The following TSNARE1 variants were observed in gnomAD, a reference collection of about 807,000 sequenced individuals.
TSNARE1 encodes the protein t-SNARE domain containing 1.
Under a neutral mutation model 62.0 loss-of-function variants are expected in TSNARE1, and 49 were observed. The observed-to-expected ratio is 0.79, with a 90% CI of 0.63 to 1.00. The LOEUF (loss-of-function observed/expected upper bound fraction) is 1.00, where lower values mean the gene tolerates loss of function less well. Ranked by LOEUF, TSNARE1 falls within the 50% of genes least tolerant of loss-of-function variation. The probability of loss-of-function intolerance (pLI) is 0.00; values close to 1 mark genes in which losing one functional copy is unlikely to be tolerated. For missense variants in TSNARE1, 755 were observed against 700.1 expected, an observed-to-expected ratio of 1.08 and a Z score of -0.88; for synonymous variants, 328 against 294.4, an observed-to-expected ratio of 1.11 and a Z score of -1.17.
At chr8:142,279,838 G>A (rs768215560) in intron 11 of TSNARE1, 6 of 1,020,520 alleles carry the variant, frequency 5.9e-6, no homozygotes, top group Non-Finnish European at 7.1e-6. Flanking sequence ...GGGGGGGCGG[G>A]CTGTGGGGAA....
At chr8:142,225,510 G>A (rs1023118978) in intron 13 of TSNARE1, among the ~76,000 whole-genome samples, 37 of 152,124 alleles carry the variant, frequency 2.4e-4, no homozygotes, top group African/African-American at 8.2e-4. Flanking sequence ...CCTGCTGGGA[G>A]GTCGGGCACT....
intron 7 of TSNARE1, among the ~76,000 whole-genome samples, chr8:142,315,631 C>T (rs1305586737): frequency 6.6e-6 from 1 of 151,848 alleles, no homozygotes; most frequent in Admixed American, 6.5e-5. Flanking sequence ...CGGGGTGGGG[C>T]TGGACACGCA....
In TSNARE1 at chr8:142,221,807, A is replaced by T. The variant is rs1385043782; in HGVS notation, c.*11+7666T>A. ...CACTCATCCACTCATTCACTCACTC[A>T]TCCACTCACTCATTCACTCACTCAC... On this transcript the variant is annotated intron_variant, in intron 13 of 13. Transcript: ENST00000524325. 9.2e-3 allele frequency among the ~76,000 whole-genome samples: 551 copies of T among 59,692 alleles called. 41 individuals carry two copies. The highest frequency in any genetic ancestry group is 0.013 in the Non-Finnish European group (330 of 25,462). The allele number at this position is 59,692 out of a possible 152,430, so 39.2% of individuals were successfully genotyped here.
intron 13 of TSNARE1, among the ~76,000 whole-genome samples, chr8:142,221,528 T>C (rs11786405): frequency 0.32 from 48,121 of 152,162 alleles, 8,521 homozygotes; most frequent in Non-Finnish European, 0.4. Context: ...GTTGCCTGGA[T>C]ACTGTAATTT....
At chr8:142,264,896 C>T (rs1054160306) in intron 12 of TSNARE1, among the ~76,000 whole-genome samples, 1 of 152,204 alleles carries the variant, frequency 6.6e-6, no homozygotes, top group African/African-American at 2.4e-5. Flanking sequence ...ATTTTGCTCA[C>T]TGGACAGTTC....
chr8:142,268,110 C>G (rs997640359), intron 12 of TSNARE1, among the ~76,000 whole-genome samples: 2 of 152,200 alleles, frequency 1.3e-5, no homozygotes, highest in Non-Finnish European at 1.5e-5. Flanking sequence ...ACACCCTTGC[C>G]CTCAGGGCCA....
chr8:142,324,101 C>T (rs1829867913), intron 6 of TSNARE1, among the ~76,000 whole-genome samples: 1 of 152,214 alleles, frequency 6.6e-6, no homozygotes, highest in East Asian at 1.9e-4. Flanking sequence ...GATACAGATG[C>T]AATGCCCGGA....
intron 1 of TSNARE1, among the ~76,000 whole-genome samples, chr8:142,370,080 T>C (rs1835818699): frequency 6.6e-6 from 1 of 152,202 alleles, no homozygotes; most frequent in Non-Finnish European, 1.5e-5. Flanking sequence ...CCCTTCACCC[T>C]TCTGCCACGT....
chr8:142,395,325 C>T (rs1837820616), intron 1 of TSNARE1, among the ~76,000 whole-genome samples: 1 of 152,184 alleles, frequency 6.6e-6, no homozygotes, highest in Non-Finnish European at 1.5e-5. Flanking sequence ...CGGGAGGCAC[C>T]AGGCCCTCAG....
chr8:142,300,745 C>A (rs1186554407), intron 9 of TSNARE1, 101 bp from the exon 10 acceptor site: 11 of 1,223,212 alleles, frequency 9.0e-6, no homozygotes, highest in Non-Finnish European at 1.1e-5. Context: ...CTTCACTATC[C>A]CCATCTGCTC....
At chr8:142,313,414 C>G (rs1827958553) in intron 9 of TSNARE1, among the ~76,000 whole-genome samples, 1 of 147,636 alleles carries the variant, frequency 6.8e-6, no homozygotes, top group Non-Finnish European at 1.5e-5. Context: ...GTTTATGTGT[C>G]TGTGTGTTTA....
At chr8:142,256,262 TC>T (rs1818543893) in intron 12 of TSNARE1, among the ~76,000 whole-genome samples, 1 of 58,704 alleles carries the variant, frequency 1.7e-5, no homozygotes, top group Non-Finnish European at 3.6e-5. Context: ...ATCATCACCA[TC>T]ACCATCACCA....
chr8:142,361,158 G>A (rs1441722850), intron 1 of TSNARE1, among the ~76,000 whole-genome samples: 3 of 152,238 alleles, frequency 2.0e-5, no homozygotes, highest in Non-Finnish European at 2.9e-5. Flanking sequence ...CCTCACCTTC[G>A]GGCACGCGTT....
At chr8:142,363,608 A>AGCTGCCCAGCCCTCACAGGTG (rs1835318941) in intron 1 of TSNARE1, among the ~76,000 whole-genome samples, 1 of 152,088 alleles carries the variant, frequency 6.6e-6, no homozygotes, top group Non-Finnish European at 1.5e-5. Context: ...GGGAATCCTG[A>AGCTGCCCAGCCCTCACAGGTG]GCTGCCCAGC....
chr8:142,288,720 C>A (rs1415356450), intron 10 of TSNARE1, among the ~76,000 whole-genome samples: 1 of 152,256 alleles, frequency 6.6e-6, no homozygotes, highest in African/African-American at 2.4e-5. Flanking sequence ...GCTGCCGGGG[C>A]TCCCGCCCAC....
At chr8:142,321,898 T>C (rs932950290) in intron 6 of TSNARE1, among the ~76,000 whole-genome samples, 4 of 152,112 alleles carry the variant, frequency 2.6e-5, no homozygotes, top group African/African-American at 7.2e-5. Context: ...GAGACACACA[T>C]TGTATGAGGC....
At chr8:142,365,593 C>G (rs1432047272) in intron 1 of TSNARE1, among the ~76,000 whole-genome samples, 1 of 135,498 alleles carries the variant, frequency 7.4e-6, no homozygotes, top group Non-Finnish European at 1.5e-5. Context: ...TCCATAAACA[C>G]ATGCACACGC....
intron 1 of TSNARE1, among the ~76,000 whole-genome samples, chr8:142,387,220 AG>A (rs1238097665): frequency 2.0e-5 from 3 of 152,224 alleles, no homozygotes; most frequent in Non-Finnish European, 2.9e-5. Context: ...CGAACCAAAA[AG>A]AAAATACAAA....
chr8:142,270,801 G>C (rs924357786), intron 12 of TSNARE1: 2 of 985,448 alleles, frequency 2.0e-6, no homozygotes, highest in Non-Finnish European at 2.4e-6. Flanking sequence ...CATGGGGTTG[G>C]AGCCTCCAAC....
Sources: allele counts gnomAD v4.1 joint callset (sites outside exome capture counted in the v4.1 genomes callset), GRCh38; gene constraint gnomAD v4.1.1; transcripts MANE v1.5; gene names NCBI Gene and HGNC (gene_info 2026-07-23, HGNC 2026-07-21).